The following VAT1L variants were observed in gnomAD, a reference collection of about 807,000 sequenced individuals.
VAT1L encodes the protein putative NADPH-dependent quinone oxidoreductase VAT1L.
A neutral mutation model predicts 44.1 loss-of-function variants in VAT1L; 34 were observed. The observed-to-expected ratio is 0.77, with a 90% CI of 0.59 to 1.03. The LOEUF is 1.03. Ranked by LOEUF, VAT1L falls within the 50% of genes least tolerant of loss-of-function variation. VAT1L has a pLI of 0.00. For synonymous variants in VAT1L, 253 were observed against 202.2 expected (o/e 1.25, Z -2.13); for missense variants, 615 against 538.8 (o/e 1.14, Z -1.40).
chr16:77,853,792 T>A (rs560774776), intron 3 of VAT1L, among the ~76,000 whole-genome samples: 99 of 151,904 alleles, frequency 6.5e-4, no homozygotes, highest in South Asian at 1.2e-3. Context: ...GAGAAAAAAA[T>A]AAGACACTGT....
chr16:77,904,026 G>A (rs1028774996), intron 7 of VAT1L, among the ~76,000 whole-genome samples: 11 of 152,010 alleles, frequency 7.2e-5, no homozygotes, highest in African/African-American at 2.7e-4. Flanking sequence ...ATGAGCCACT[G>A]TGCCTGGCCC....
At chr16:77,857,398 T>C (rs2016870281) in intron 3 of VAT1L, among the ~76,000 whole-genome samples, 1 of 152,148 alleles carries the variant, frequency 6.6e-6, no homozygotes, top group African/African-American at 2.4e-5. Context: ...TCTATAAATG[T>C]GTGGGAAGGC....
intron 7 of VAT1L, among the ~76,000 whole-genome samples, chr16:77,970,438 G>A (rs549919086): frequency 1.2e-4 from 19 of 152,188 alleles, no homozygotes; most frequent in Admixed American, 9.8e-4. Context: ...TATGGAGCTA[G>A]AGATTAAAAC....
intron 4 of VAT1L, among the ~76,000 whole-genome samples, chr16:77,864,939 C>CCATA (rs1347828178): frequency 6.7e-6 from 1 of 150,130 alleles, no homozygotes; most frequent in Admixed American, 6.6e-5. Context: ...TTGCCCAGTT[C>CCATA]CATAGCTCTC....
chr16:77,848,448 G>A (rs1341902161), intron 3 of VAT1L, among the ~76,000 whole-genome samples: 1 of 152,114 alleles, frequency 6.6e-6, no homozygotes, highest in Non-Finnish European at 1.5e-5. Context: ...TGCCCCATGT[G>A]GGACTATGCC....
chr16:77,799,505 GT>G (rs1423754166), intron 1 of VAT1L, among the ~76,000 whole-genome samples: 18 of 184 alleles, frequency 0.098, no homozygotes, highest in Non-Finnish European at 0.21. Context: ...GGAATACATG[GT>G]GTGTGTGTGT....
chr16:77,970,727 T>A (rs1314157388), intron 7 of VAT1L, among the ~76,000 whole-genome samples: 3 of 152,228 alleles, frequency 2.0e-5, no homozygotes, highest in Non-Finnish European at 2.9e-5. Flanking sequence ...GTCTTTAGGA[T>A]AAAGTTCCAG....
chr16:77,977,330 C>T (rs2018351945), intron 8 of VAT1L, among the ~76,000 whole-genome samples: 1 of 152,166 alleles, frequency 6.6e-6, no homozygotes, highest in Admixed American at 6.5e-5. Context: ...TTGGATTCTT[C>T]CCCTTTTTGG....
At chr16:77,857,361 G>A (rs1004757052) in intron 3 of VAT1L, among the ~76,000 whole-genome samples, 2 of 152,198 alleles carry the variant, frequency 1.3e-5, no homozygotes, top group Non-Finnish European at 2.9e-5. Flanking sequence ...TTCACCTCGG[G>A]AGTTGGAGAA....
chr16:77,963,879 T>C (rs376157855), intron 7 of VAT1L, among the ~76,000 whole-genome samples: 2 of 152,186 alleles, frequency 1.3e-5, no homozygotes, highest in African/African-American at 4.8e-5. Context: ...GCTGTCTCAC[T>C]AGCAAAGAGG....
At chr16:77,866,072 C>T (rs976241350) in intron 4 of VAT1L, among the ~76,000 whole-genome samples, 2 of 152,188 alleles carry the variant, frequency 1.3e-5, no homozygotes, top group African/African-American at 4.8e-5. Flanking sequence ...CTTGGGATTA[C>T]ACTCAGAATG....
chr16:77,935,267 A>G (rs982334537), intron 7 of VAT1L, among the ~76,000 whole-genome samples: 2 of 152,182 alleles, frequency 1.3e-5, no homozygotes, highest in Non-Finnish European at 2.9e-5. Context: ...TTAAAGTGAT[A>G]ATTGAGACTT....
intron 1 of VAT1L, among the ~76,000 whole-genome samples, chr16:77,796,386 C>T (rs183471046): frequency 6.6e-6 from 1 of 152,270 alleles, no homozygotes; most frequent in African/African-American, 2.4e-5. Flanking sequence ...CTGATCTTCA[C>T]CACCCCATGG....
At chr16:77,953,134 G>A (rs2018063664) in intron 7 of VAT1L, among the ~76,000 whole-genome samples, 1 of 152,108 alleles carries the variant, frequency 6.6e-6, no homozygotes, top group Admixed American at 6.5e-5. Flanking sequence ...CAAGCCAAGG[G>A]CCACCAAAGA....
intron 1 of VAT1L, among the ~76,000 whole-genome samples, chr16:77,811,073 T>C (rs771585937): frequency 6.6e-6 from 1 of 152,188 alleles, no homozygotes; most frequent in South Asian, 2.1e-4. Context: ...TCTGCATCAA[T>C]AGAGAAGTAG....
At chr16:77,829,257 T>G (rs944294351) in intron 3 of VAT1L, among the ~76,000 whole-genome samples, 1 of 152,160 alleles carries the variant, frequency 6.6e-6, no homozygotes, top group African/African-American at 2.4e-5. Context: ...CAGGTACATA[T>G]TTGCTAACTT....
At chr16:77,946,953 C>T (rs1340991003) in intron 7 of VAT1L, among the ~76,000 whole-genome samples, 20 of 152,214 alleles carry the variant, frequency 1.3e-4, no homozygotes, top group Admixed American at 2.0e-4. Flanking sequence ...CAACACCTCC[C>T]TCAACCCCTT....
chr16:77,883,095 AT>A (rs1276815425), intron 6 of VAT1L, among the ~76,000 whole-genome samples: 1 of 152,240 alleles, frequency 6.6e-6, no homozygotes, highest in East Asian at 1.9e-4. Context: ...ATTAAAAAAA[AT>A]AAAAAATTTT....
intron 7 of VAT1L, among the ~76,000 whole-genome samples, chr16:77,929,037 G>A (rs1355633215): frequency 6.6e-6 from 1 of 152,096 alleles, no homozygotes; most frequent in Non-Finnish European, 1.5e-5. Flanking sequence ...GGATGGTCTC[G>A]ATCTCTTGAC....
Sources: allele counts gnomAD v4.1 joint callset (sites outside exome capture counted in the v4.1 genomes callset), GRCh38; gene constraint gnomAD v4.1.1; transcripts MANE v1.5; gene names NCBI Gene and HGNC (gene_info 2026-07-23, HGNC 2026-07-21).